The following NR5A1 variants were observed in gnomAD, a reference collection of about 807,000 sequenced individuals.
NR5A1 encodes the protein steroidogenic factor 1.
A neutral mutation model predicts 42.7 loss-of-function variants in NR5A1; 6 were observed. The observed-to-expected ratio is 0.14, with a 90% confidence interval of 0.08 to 0.28. NR5A1 has a LOEUF of 0.28. Among genes scored for constraint, NR5A1 ranks in the 10% least tolerant of loss-of-function variants. The pLI is 1.00. For missense variants in NR5A1, 442 were observed against 626.4 expected, an observed-to-expected ratio of 0.71 and a Z score of 3.14; for synonymous variants, 274 against 277.5, an observed-to-expected ratio of 0.99 and a Z score of 0.12.
At chr9:124,485,132 G>A (rs908095006) in intron 6 of NR5A1, among the ~76,000 whole-genome samples, 1 of 152,228 alleles carries the variant, frequency 6.6e-6, no homozygotes. Context: ...CAGCTTGCAG[G>A]CCTCTTTCAG....
chr9:124,503,994 C>G lies in NR5A1; in HGVS notation c.-15-584G>C, dbSNP rs979799929. On this transcript the variant is annotated intron_variant, in intron 1 of 6. Coordinates refer to ENST00000373588, the MANE Select transcript of NR5A1 (RefSeq NM_004959.5). This position sits in a 1 kb window ranked among gnomAD's most constrained non-coding sequence, Gnocchi z 9.6. ...TAGAGAGAACCCGGCGGGGACGAGA[C>G]ACAGGGAGGGATGGAGAGAGACAGG... Among the ~76,000 whole-genome samples the G allele has an allele frequency of 6.9e-6, 1 of 144,058 alleles. No individual in the cohort carries two copies. Among genetic ancestry groups the G allele is most frequent in the African/African-American group, 2.7e-5 (1 of 36,624 alleles). The allele number at this position is 144,058 out of a possible 152,430, so 94.5% of individuals were successfully genotyped here. A position where few individuals can be genotyped will look rare whatever the true frequency, so the allele number is the denominator to read the frequency against.
intron 6 of NR5A1, among the ~76,000 whole-genome samples, chr9:124,487,512 A>G (rs918582234): frequency 2.0e-5 from 3 of 152,268 alleles, no homozygotes; most frequent in Non-Finnish European, 4.4e-5. Context: ...GGAGAGAGGC[A>G]CTAATTTTAA....
In NR5A1 at chr9:124,482,977, C is replaced by T. The variant is rs372053101; in HGVS notation, c.1167G>A (p.Leu389=). The T allele has an allele frequency of 6.2e-7, 1 of 1,614,140 alleles. No homozygotes were observed. Among genetic ancestry groups the T allele is most frequent in the Non-Finnish European group, 8.5e-7 (1 of 1,180,042 alleles). ...TGGCCTTCTCCTGAGCGTCTTTCAC[C>T]AGGATGTGGTTATTCAGGAACTTCA... ...LDLKFLNNHI[L]VKDAQEKANA... Residue 389 remains leucine, a synonymous_variant, in exon 7 of 7, where the codon CTG becomes CTA. Coordinates refer to ENST00000373588, the MANE Select transcript of NR5A1 (RefSeq NM_004959.5).
In NR5A1 at chr9:124,500,484, C is replaced by T. The variant is rs972138346; in HGVS notation, c.476G>A (p.Gly159Glu). 6.2e-7 allele frequency: 1 copy of T among 1,601,708 alleles called. No homozygotes were observed. The highest frequency in any genetic ancestry group is 8.5e-7 in the Non-Finnish European group (1 of 1,176,376). The part of the protein sequence containing the change: ...PKGLAAGPPA[G>E]PLGDFGAPAL... Reference sequence around the variant, plus strand: ...TGGGGCCCCAAAGTCGCCCAGTGGCCCAGCAGGTGGACCGGCGGCCAGGCC... The same window carrying T: ...TGGGGCCCCAAAGTCGCCCAGTGGCTCAGCAGGTGGACCGGCGGCCAGGCC... Residue 159 changes from glycine to glutamate, a missense_variant, in exon 4 of 7, where the codon GGG becomes GAG. Around this residue, in one of 3 missense-constraint regions of NR5A1, gnomAD observed 208 missense variants for 203.8 expected, o/e 1.02. Coordinates refer to ENST00000373588, the MANE Select transcript of NR5A1 (RefSeq NM_004959.5). The surrounding 1 kb of genome is among the most constrained non-coding windows in gnomAD (Gnocchi z 6.9).
chr9:124,491,690 C>A (rs1456803741), intron 5 of NR5A1, among the ~76,000 whole-genome samples: 1 of 152,158 alleles, frequency 6.6e-6, no homozygotes, highest in Non-Finnish European at 1.5e-5. Flanking sequence ...CACACACACA[C>A]ACACGAGCAC....
In NR5A1 at chr9:124,501,176, C is replaced by T. The variant is rs1044541750; in HGVS notation, c.245-461G>A. 2.6e-5 allele frequency among the ~76,000 whole-genome samples: 4 copies of T among 152,120 alleles called. No individual in the cohort carries two copies. The highest frequency in any genetic ancestry group is 4.8e-5 in the African/African-American group (2 of 41,432). ...GAGTGGATCATGCCATGTGCTCCTG[C>T]GGGCTAAGTTCTGGGCTCAGGTGTC... On this transcript the variant is annotated intron_variant, in intron 3 of 6. Transcript: ENST00000373588. This position sits in a 1 kb window ranked among gnomAD's most constrained non-coding sequence, Gnocchi z 4.1.
intron 6 of NR5A1, among the ~76,000 whole-genome samples, chr9:124,483,523 C>T (rs1349647511): frequency 2.6e-5 from 4 of 152,194 alleles, no homozygotes; most frequent in Non-Finnish European, 5.9e-5. Context: ...GTGAGAAGCT[C>T]GGTGGGTTGG....
At chr9:124,487,285 C>A (rs1488639130) in intron 6 of NR5A1, among the ~76,000 whole-genome samples, 1 of 152,370 alleles carries the variant, frequency 6.6e-6, no homozygotes, top group African/African-American at 2.4e-5. Context: ...CAGGCAGGCG[C>A]CCCCGCGCAC....
chr9:124,483,417 A>G (rs141283013), intron 6 of NR5A1, among the ~76,000 whole-genome samples: 78 of 152,348 alleles, frequency 5.1e-4, no homozygotes, highest in Non-Finnish European at 8.7e-4. Flanking sequence ...CCCCATCTGT[A>G]AAATGGGCGT....
At chr9:124,505,066 C>A (rs1366484396) in intron 1 of NR5A1, among the ~76,000 whole-genome samples, 1 of 152,008 alleles carries the variant, frequency 6.6e-6, no homozygotes, top group Non-Finnish European at 1.5e-5. Flanking sequence ...CGTGTCCTCC[C>A]CCCAAGCCCG....
chr9:124,484,718 C>A (rs1832182223), intron 6 of NR5A1, among the ~76,000 whole-genome samples: 1 of 152,020 alleles, frequency 6.6e-6, no homozygotes, highest in South Asian at 2.1e-4. Context: ...TGCACCACTG[C>A]ATTCCAGCCT....
Position 124,503,896 on chromosome 9 carries a change from C to T in NR5A1, c.-15-486G>A, listed in dbSNP as rs1016925854. 6.6e-6 allele frequency among the ~76,000 whole-genome samples: 1 copy of T among 151,960 alleles called. No homozygotes were observed. Among genetic ancestry groups the T allele is most frequent in the African/African-American group, 2.4e-5 (1 of 41,350 alleles). Reference sequence around the variant, plus strand: ...GGGAAGAAACTCTGGCGAGAGACAACGACCGACGCCACCGGGCGCAGACAC... The same window carrying T: ...GGGAAGAAACTCTGGCGAGAGACAATGACCGACGCCACCGGGCGCAGACAC... On this transcript the variant is annotated intron_variant, in intron 1 of 6. Coordinates refer to ENST00000373588, the MANE Select transcript of NR5A1 (RefSeq NM_004959.5). This position sits in a 1 kb window ranked among gnomAD's most constrained non-coding sequence, Gnocchi z 9.6.
At position 124,493,010 on chromosome 9, in the gene NR5A1, G is replaced by A. The variant is rs181340030; in HGVS notation, c.990+20C>T. 1.9e-4 allele frequency: 293 copies of A among 1,567,818 alleles called. 2 individuals carry two copies. In the East Asian group the frequency reaches 4.1e-3, roughly 22 times the overall value. ...CGGGGCCAGGGCGGGGCCCAGGGGC[G>A]GGGCCGAGGGACTGGTCACCTCCTG... On this transcript the variant is annotated intron_variant, in intron 5 of 6. Transcript: ENST00000373588.
At position 124,498,708 on chromosome 9, in the gene NR5A1, G is replaced by A. The variant is rs1832422646; in HGVS notation, c.870+1382C>T. Among the ~76,000 whole-genome samples, 1 of 152,228 alleles carries A rather than the reference G, an allele frequency of 6.6e-6. No homozygotes were observed. The highest frequency in any genetic ancestry group is 6.5e-5 in the Admixed American group (1 of 15,288). On this transcript the variant is annotated intron_variant, in intron 4 of 6. Coordinates refer to ENST00000373588, the MANE Select transcript of NR5A1 (RefSeq NM_004959.5). The surrounding 1 kb of genome is among the most constrained non-coding windows in gnomAD (Gnocchi z 4.6). ...ACCCTGCCTTTTGCCTCATCCATTA[G>A]GTCGGACCAGAGAGGCGGGCAGTGT... is the stretch of plus-strand genomic sequence containing the variant.
At chr9:124,502,163 T>A (rs957978180) in intron 3 of NR5A1, among the ~76,000 whole-genome samples, 2 of 152,058 alleles carry the variant, frequency 1.3e-5, no homozygotes, top group Admixed American at 6.5e-5. Flanking sequence ...CAGATCCTAA[T>A]GGAAAGCGTG....
At chr9:124,486,753 A>G (rs2131272907) in intron 6 of NR5A1, among the ~76,000 whole-genome samples, 2 of 152,330 alleles carry the variant, frequency 1.3e-5, no homozygotes, top group South Asian at 4.1e-4. Context: ...CGGATAACAC[A>G]TGTGACGGTG....
chr9:124,501,062 C>A lies in NR5A1; in HGVS notation c.245-347G>T. On this transcript the variant is annotated intron_variant, in intron 3 of 6. Transcript: ENST00000373588. This position sits in a 1 kb window ranked among gnomAD's most constrained non-coding sequence, Gnocchi z 4.1. ...TGCTGAACACCCAGCCTCAATGTCA[C>A]TACTTCCAGGAAGCACTCCTGGATT... The A allele has an allele frequency of 1.7e-6, 1 of 571,738 alleles. No individual in the cohort carries two copies. The highest frequency in any genetic ancestry group is 3.4e-6 in the Non-Finnish European group (1 of 293,382). The allele number at this position is 571,738 out of a possible 1,614,324, so 35.4% of individuals were successfully genotyped here.
chr9:124,491,848 C>A (rs188459468), intron 5 of NR5A1, among the ~76,000 whole-genome samples: 2 of 152,196 alleles, frequency 1.3e-5, no homozygotes, highest in East Asian at 3.9e-4. Context: ...GACACCCACA[C>A]ACTGATGTGT....
At position 124,482,941 on chromosome 9, in the gene NR5A1, C is replaced by T. The variant is rs763862772; in HGVS notation, c.1203G>A (p.Leu401=). 1.2e-6 allele frequency: 2 copies of T among 1,614,156 alleles called. No homozygotes were observed. Among genetic ancestry groups the T allele is most frequent in the Admixed American group, 1.7e-5 (1 of 60,024 alleles). The change falls in exon 7 of 7, where the codon CTG becomes CTA. Residue 401 remains leucine, a synonymous_variant. Coordinates refer to ENST00000373588, the MANE Select transcript of NR5A1 (RefSeq NM_004959.5). ...GGTAGTGGCACAGGGTGTAGTCAAGCAGGGCGGCGTTGGCCTTCTCCTGAG... is the reference window on the plus strand; with the variant it reads ...GGTAGTGGCACAGGGTGTAGTCAAGTAGGGCGGCGTTGGCCTTCTCCTGAG... The part of the protein sequence containing the change: ...KDAQEKANAA[L]LDYTLCHYPH...
Sources: allele counts gnomAD v4.1 joint callset (sites outside exome capture counted in the v4.1 genomes callset), GRCh38; gene constraint gnomAD v4.1.1; regional missense constraint gnomAD v4.1.1; non-coding constraint Gnocchi (gnomAD v3.1); transcripts MANE v1.5; gene names NCBI Gene and HGNC (gene_info 2026-07-23, HGNC 2026-07-21).